Variants in ADAMTSL1 observed in about 807,000 individuals in gnomAD.
ADAMTSL1 encodes ADAMTS like 1.
In ADAMTSL1, 126 loss-of-function variants were observed where a neutral mutation model predicts 201.8. The observed-to-expected ratio is 0.62, with a 90% CI of 0.54 to 0.72. ADAMTSL1 has a LOEUF of 0.72. Among genes scored for constraint, ADAMTSL1 ranks in the 30% least tolerant of loss-of-function variants. The pLI, the probability that ADAMTSL1 is intolerant of heterozygous loss-of-function variation, is 0.00. For missense variants in ADAMTSL1, 2,679 were observed against 2,277.8 expected (o/e 1.18, Z -3.59); for synonymous variants, 1,121 against 903.4 (o/e 1.24, Z -4.32).
intron 26 of ADAMTSL1, among the ~76,000 whole-genome samples, chr9:18,905,318 G>T (rs1347378061): frequency 6.6e-6 from 1 of 152,084 alleles, no homozygotes; most frequent in Non-Finnish European, 1.5e-5. Context: ...AGTCATCCTA[G>T]GTTTAACCTG....
At chr9:18,822,586 G>A (rs559275984) in intron 21 of ADAMTSL1, among the ~76,000 whole-genome samples, 9 of 152,180 alleles carry the variant, frequency 5.9e-5, no homozygotes, top group East Asian at 3.9e-4. Context: ...GTAGGGAACT[G>A]GGGGGAACAG....
intron 17 of ADAMTSL1, among the ~76,000 whole-genome samples, chr9:18,771,257 G>A (rs1373248306): frequency 2.0e-5 from 3 of 152,198 alleles, no homozygotes; most frequent in African/African-American, 4.8e-5. Flanking sequence ...AGGAAATCCT[G>A]CCTGTTTACT....
At chr9:18,184,317 C>G (rs968339810) in intron 2 of ADAMTSL1, among the ~76,000 whole-genome samples, 4 of 152,178 alleles carry the variant, frequency 2.6e-5, no homozygotes, top group Non-Finnish European at 5.9e-5. Flanking sequence ...GAAGAGGAAA[C>G]TAACTTAAAC....
intron 2 of ADAMTSL1, among the ~76,000 whole-genome samples, chr9:18,420,276 C>T (rs1818882973): frequency 6.6e-6 from 1 of 152,140 alleles, no homozygotes; most frequent in Non-Finnish European, 1.5e-5. Flanking sequence ...GAGTCTGTTA[C>T]AGTTATCCAT....
chr9:18,690,769 C>G (rs907674820), intron 13 of ADAMTSL1, among the ~76,000 whole-genome samples: 1 of 152,190 alleles, frequency 6.6e-6, no homozygotes, highest in African/African-American at 2.4e-5. Flanking sequence ...TCTCTCACTT[C>G]CAACACCTTC....
chr9:18,336,299 A>C (rs1245618731), intron 2 of ADAMTSL1, among the ~76,000 whole-genome samples: 3 of 151,252 alleles, frequency 2.0e-5, no homozygotes, highest in Admixed American at 2.0e-4. Flanking sequence ...TAGGGGGACG[A>C]TGTAATTTCA....
At chr9:18,630,529 C>G (rs1202461448) in intron 5 of ADAMTSL1, among the ~76,000 whole-genome samples, 1 of 152,108 alleles carries the variant, frequency 6.6e-6, no homozygotes, top group Non-Finnish European at 1.5e-5. Context: ...TTTGTCTACT[C>G]AATTCAGGGA....
chr9:18,548,643 G>A (rs73644240), intron 3 of ADAMTSL1, among the ~76,000 whole-genome samples: 1 of 152,018 alleles, frequency 6.6e-6, no homozygotes, highest in Non-Finnish European at 1.5e-5. Context: ...AAGTGCAATG[G>A]TTCATTATTT....
chr9:18,525,429 T>A (rs1002154939), intron 2 of ADAMTSL1, among the ~76,000 whole-genome samples: 1 of 152,202 alleles, frequency 6.6e-6, no homozygotes, highest in African/African-American at 2.4e-5. Flanking sequence ...GGGTTTTTTG[T>A]GTGTCTATCT....
intron 1 of ADAMTSL1, among the ~76,000 whole-genome samples, chr9:18,002,861 A>G (rs1819667997): frequency 6.6e-6 from 1 of 152,048 alleles, no homozygotes; most frequent in Admixed American, 6.6e-5. Context: ...TAACTAGCAA[A>G]TGGCAGAATT....
intron 2 of ADAMTSL1, among the ~76,000 whole-genome samples, chr9:18,169,875 T>C (rs1257544042): frequency 6.6e-6 from 1 of 152,058 alleles, no homozygotes; most frequent in Non-Finnish European, 1.5e-5. Context: ...AAGGGTCAGA[T>C]GTTTTAAAAA....
chr9:18,079,132 T>A (rs1349930566), intron 1 of ADAMTSL1, among the ~76,000 whole-genome samples: 1 of 152,152 alleles, frequency 6.6e-6, no homozygotes, highest in African/African-American at 2.4e-5. Context: ...ATCCTTTCCT[T>A]TGATGGTGGG....
At chr9:18,743,853 G>C (rs1366821581) in intron 15 of ADAMTSL1, among the ~76,000 whole-genome samples, 1 of 152,122 alleles carries the variant, frequency 6.6e-6, no homozygotes, top group Non-Finnish European at 1.5e-5. Context: ...GAATACAGTG[G>C]TTTTAAGGGA....
At chr9:18,670,402 A>G (rs2133087159) in intron 9 of ADAMTSL1, among the ~76,000 whole-genome samples, 1 of 152,312 alleles carries the variant, frequency 6.6e-6, no homozygotes, top group Middle Eastern at 3.4e-3. Flanking sequence ...ATGGAAGCAT[A>G]GTCACTAATC....
chr9:18,787,643 G>C lies in ADAMTSL1; in HGVS notation c.3678-7754G>C, dbSNP rs529927361. 5.9e-5 allele frequency among the ~76,000 whole-genome samples: 9 copies of C among 152,282 alleles called. No individual in the cohort carries two copies. In the South Asian group the frequency reaches 1.9e-3, roughly 32 times the overall value. ...AAAGGGCCAAATAGTAAACATTTTAGGATTTGCAGGCATCAGGAGTAAGGA... is the reference window on the plus strand; with the variant it reads ...AAAGGGCCAAATAGTAAACATTTTACGATTTGCAGGCATCAGGAGTAAGGA... On this transcript the variant is annotated intron_variant, in intron 19 of 28. Transcript: ENST00000380548.
rs200531122 is a variant in ADAMTSL1 at position 18,570,950 on chromosome 9, C to T, written c.238-3080C>T. On this transcript the variant is annotated intron_variant, in intron 3 of 28. Transcript: ENST00000380548. The stretch of plus-strand genomic sequence containing the variant: ...GATACAGGTGACTTGCAAATAAGAA[C>T]ATCTGTCTGCATGTTGAGTCTCTAA... Among the ~76,000 whole-genome samples the T allele has an allele frequency of 5.3e-5, 8 of 152,150 alleles. No individual in the cohort carries two copies. In the East Asian group the frequency reaches 1.3e-3, roughly 26 times the overall value.
chr9:18,906,824 C>T lies in ADAMTSL1; in HGVS notation c.5094C>T (p.Arg1698=), dbSNP rs1830336800. 1.2e-6 allele frequency: 2 copies of T among 1,614,036 alleles called. No individual in the cohort carries two copies. Among genetic ancestry groups the T allele is most frequent in the Non-Finnish European group, 1.7e-6 (2 of 1,179,884 alleles). The part of the protein sequence containing the change: ...QSRRVECVHA[R]TNKAVPEHLC... ...GGCGTGTGGAGTGTGTGCATGCCCG[C>T]ACCAACAAGGCAGTGCCTGAGCACC... Residue 1698 remains arginine, a synonymous_variant, in exon 28 of 29, where the codon CGC becomes CGT. Transcript: ENST00000380548.
At chr9:18,681,996 T>G in intron 12 of ADAMTSL1, 37 bp downstream of exon 12, 1 of 1,609,496 alleles carries the variant, frequency 6.2e-7, no homozygotes. Context: ...GCCTGTTAAT[T>G]GTTGTGTGTA....
At chr9:18,857,883 T>A (rs1359542365) in intron 23 of ADAMTSL1, among the ~76,000 whole-genome samples, 2 of 152,194 alleles carry the variant, frequency 1.3e-5, no homozygotes, top group African/African-American at 4.8e-5. Flanking sequence ...TTTGACACGT[T>A]CATATCATTC....
Sources: gnomAD v4.1 joint callset for allele counts (sites outside exome capture counted in the v4.1 genomes callset) on GRCh38, gnomAD v4.1.1 for gene constraint, MANE v1.5 for transcripts, NCBI Gene and HGNC (gene_info 2026-07-23, HGNC 2026-07-21) for gene names.